The following RNASEL variants were observed in gnomAD, a reference collection of about 807,000 sequenced individuals.
The protein encoded by RNASEL is 2-5A-dependent ribonuclease.
A neutral mutation model predicts 50.9 loss-of-function variants in RNASEL; 36 were observed. The observed-to-expected ratio is 0.71, with a 90% confidence interval of 0.54 to 0.93. The LOEUF (loss-of-function observed/expected upper bound fraction) is 0.93, where lower values mean the gene tolerates loss of function less well. Ranked by LOEUF, RNASEL falls within the 40% of genes least tolerant of loss-of-function variation. RNASEL has a pLI of 0.00. For synonymous variants in RNASEL, 335 were observed against 335.6 expected (o/e 1.00, Z 0.02); for missense variants, 860 against 894.5 (o/e 0.96, Z 0.49).
Position 182,586,473 on chromosome 1 carries a change from G to A in RNASEL, c.334C>T (p.Leu112Phe), listed in dbSNP as rs1048360805. Residue 112 changes from leucine (L) to phenylalanine (F), a missense_variant, in exon 2 of 7, where the codon CTT becomes TTT. By Grantham distance (22) the Leu-to-Phe change is conservative (BLOSUM62 0). Transcript: ENST00000367559. The stretch of plus-strand genomic sequence containing the variant: ...TCATTGACATCTGCTCCTTTAGAAA[G>A]GAAAAGTTTCAGCAGCTTCACGCTC... The part of the protein sequence containing the change: ...AGSVKLLKLF[L>F]SKGADVNECD... 1 of 1,613,464 alleles carries A rather than the reference G, an allele frequency of 6.2e-7. No homozygotes were observed. Among genetic ancestry groups the A allele is most frequent in the Non-Finnish European group, 8.5e-7 (1 of 1,179,454 alleles).
At position 182,574,383 on chromosome 1, in the gene RNASEL, A is replaced by C. The variant is rs758915729; in HGVS notation, c.*1009T>G. On this transcript the variant is annotated 3_prime_UTR_variant, in exon 7 of 7. Transcript: ENST00000367559. ...GTATGGGAAGTGAGGGAGGCCTGGGAGCCTCCTGTGGGGCTGACACCAGAA... is the reference window on the plus strand; with the variant it reads ...GTATGGGAAGTGAGGGAGGCCTGGGCGCCTCCTGTGGGGCTGACACCAGAA... The C allele has an allele frequency of 3.1e-5, 7 of 228,200 alleles. No individual in the cohort carries two copies. The highest frequency in any genetic ancestry group is 4.4e-5 in the African/African-American group (2 of 44,994). 14.1% of individuals were successfully genotyped at this position (228,200 alleles called of 1,614,324 possible). A position where few individuals can be genotyped will look rare whatever the true frequency, so the allele number is the denominator to read the frequency against.
Position 182,586,453 on chromosome 1 carries a change from G to A in RNASEL, c.354C>T (p.Val118=), listed in dbSNP as rs146336238. ...TGAAGCCATAAAAATCACACTCATT[G>A]ACATCTGCTCCTTTAGAAAGGAAAA... The part of the protein sequence containing the change: ...LKLFLSKGAD[V]NECDFYGFTA... The change falls in exon 2 of 7, where the codon GTC becomes GTT. Residue 118 remains valine, a synonymous_variant. Coordinates refer to ENST00000367559, the MANE Select transcript of RNASEL (RefSeq NM_021133.4). 4,230 of 1,614,132 alleles carry A rather than the reference G, an allele frequency of 2.6e-3. 7 individuals are homozygous for A. Among genetic ancestry groups the A allele is most frequent in the Middle Eastern group, 4.3e-3 (26 of 6,060 alleles).
At position 182,576,341 on chromosome 1, in the gene RNASEL, C is replaced by T. The variant is rs776441039; in HGVS notation, c.1954G>A (p.Gly652Ser). The T allele has an allele frequency of 6.2e-7, 1 of 1,605,654 alleles. No homozygotes were observed. Among genetic ancestry groups the T allele is most frequent in the East Asian group, 2.2e-5 (1 of 44,742 alleles). ...KKMNKFYEKR[G>S]NFYQNTVGDL... The stretch of plus-strand genomic sequence containing the variant: ...CCCACAGTGTTCTGGTAGAAATTGC[C>T]TCTTTTTTCATAAAACTTATTCATT... Residue 652 changes from glycine to serine, a missense_variant, in exon 6 of 7, where the codon GGC becomes AGC. Physicochemically the swap from Gly to Ser is moderately conservative, Grantham distance 56 (BLOSUM62 0). Transcript: ENST00000367559.
intron 1 of RNASEL, among the ~76,000 whole-genome samples, chr1:182,587,835 T>C (rs1047388871): frequency 1.3e-5 from 2 of 152,262 alleles, no homozygotes; most frequent in African/African-American, 4.8e-5. Context: ...ATCTGACTTA[T>C]GTTTTTTGAC....
At position 182,584,187 on chromosome 1, in the gene RNASEL, G is replaced by A. The variant is rs766108531; in HGVS notation, c.1481-21C>T. 1.8e-5 allele frequency: 27 copies of A among 1,539,740 alleles called. No homozygotes were observed. In the South Asian group the frequency reaches 2.8e-4, roughly 16 times the overall value. On this transcript the variant is annotated intron_variant, in intron 2 of 6. Coordinates refer to ENST00000367559, the MANE Select transcript of RNASEL (RefSeq NM_021133.4). ...AGAATCTAAGGAAAAGTTTGCAGAG[G>A]CACATTGAAAATACTCATTCTCCAT...
rs572914694 is a variant in RNASEL at position 182,580,703 on chromosome 1, G to A, written c.1905+522C>T. On this transcript the variant is annotated intron_variant, in intron 5 of 6. Coordinates refer to ENST00000367559, the MANE Select transcript of RNASEL (RefSeq NM_021133.4). ...TTCCACTATAATTAATGCAAGTTAG[G>A]TGGAACTTTTCTTAAAGAGAGCAAT... Among the ~76,000 whole-genome samples the A allele has an allele frequency of 2.0e-5, 3 of 152,328 alleles. No homozygotes were observed. In the South Asian group the frequency reaches 6.2e-4, roughly 32 times the overall value.
chr1:182,582,124 G>C lies in RNASEL; in HGVS notation c.1701C>G (p.Phe567Leu), dbSNP rs1410365107. 6.2e-7 allele frequency: 1 copy of C among 1,614,082 alleles called. No individual in the cohort carries two copies. The highest frequency in any genetic ancestry group is 8.5e-7 in the Non-Finnish European group (1 of 1,180,058). Residue 567 changes from phenylalanine (F) to leucine (L), a missense_variant, in exon 4 of 7, where the codon TTC becomes TTG. Transcript: ENST00000367559. ...EETKDLIHRLFHPGEHVRDCL... is the reference protein window; with the variant it reads ...EETKDLIHRLLHPGEHVRDCL... ...AGTCCCTCACATGTTCCCCAGGATG[G>C]AAGAGACGATGAATGAGGTCCTTAG...
At chr1:182,581,384 A>T (rs373189696) in intron 4 of RNASEL, 27 bp from the exon 5 acceptor site, 1 of 1,611,382 alleles carries the variant, frequency 6.2e-7, no homozygotes, top group Non-Finnish European at 8.5e-7. Context: ...GATCTAAATG[A>T]TCATGATCAT....
In RNASEL at chr1:182,575,546, T is replaced by C; in HGVS notation, c.2072A>G (p.Tyr691Cys). 1.9e-6 allele frequency: 3 copies of C among 1,614,208 alleles called. No individual in the cohort carries two copies. Among genetic ancestry groups the C allele is most frequent in the Non-Finnish European group, 2.5e-6 (3 of 1,180,030 alleles). The stretch of plus-strand genomic sequence containing the variant: ...CAGATCTGGAAATGTCTTCTGAAAA[T>C]ACAGGGAAGGGTCTCCAATTTTTAA... ...MKLKIGDPSLYFQKTFPDLVI... is the reference protein window; with the variant it reads ...MKLKIGDPSLCFQKTFPDLVI... Residue 691 changes from tyrosine (Y) to cysteine (C), a missense_variant, in exon 7 of 7, where the codon TAT becomes TGT. Coordinates refer to ENST00000367559, the MANE Select transcript of RNASEL (RefSeq NM_021133.4).
intron 5 of RNASEL, among the ~76,000 whole-genome samples, chr1:182,577,396 CA>C (rs1661410586): frequency 2.6e-5 from 4 of 152,226 alleles, no homozygotes; most frequent in Middle Eastern, 3.4e-3. Flanking sequence ...GCCACCCTTT[CA>C]AATTCGTACT....
Position 182,575,025 on chromosome 1 carries a change from A to G in RNASEL, c.*367T>C. 2.8e-6 allele frequency: 1 copy of G among 356,478 alleles called. No individual in the cohort carries two copies. Among genetic ancestry groups the G allele is most frequent in the Non-Finnish European group, 5.2e-6 (1 of 192,320 alleles). The allele number at this position is 356,478 out of a possible 1,614,324, so 22.1% of individuals were successfully genotyped here. On this transcript the variant is annotated 3_prime_UTR_variant, in exon 7 of 7. Transcript: ENST00000367559. ...CAGTAGCTCACACTCTCTGAGTCTCAGGTTCCTCAGTTCTTAAATGGGGAT... is the reference window on the plus strand; with the variant it reads ...CAGTAGCTCACACTCTCTGAGTCTCGGGTTCCTCAGTTCTTAAATGGGGAT...
intron 6 of RNASEL, 67 bp downstream of exon 6, chr1:182,576,189 T>A (rs565325739): frequency 2.0e-6 from 3 of 1,527,334 alleles, no homozygotes; most frequent in Non-Finnish European, 1.8e-6. Context: ...AGATATAAAC[T>A]TAGAATTGGA....
intron 3 of RNASEL, among the ~76,000 whole-genome samples, 192 bp from the exon 4 acceptor site, chr1:182,582,450 G>A (rs1238863338): frequency 6.6e-6 from 1 of 152,220 alleles, no homozygotes; most frequent in East Asian, 1.9e-4. Context: ...ATACCACTTA[G>A]TTTTATGAAG....
intron 5 of RNASEL, chr1:182,576,958 C>T (rs757793031): frequency 6.6e-6 from 1 of 151,114 alleles, no homozygotes; most frequent in African/African-American, 2.4e-5. Context: ...CTCACTGCAA[C>T]CTCCGCCTCC....
At chr1:182,579,538 G>A in intron 5 of RNASEL, 2 of 1,118,916 alleles carry the variant, frequency 1.8e-6, no homozygotes, top group Non-Finnish European at 1.1e-6. Context: ...GATGGGGCAA[G>A]TCAAGAACCA....
chr1:182,585,712 A>G lies in RNASEL; in HGVS notation c.1095T>C (p.Ile365=), dbSNP rs1352109051. The G allele has an allele frequency of 6.2e-7, 1 of 1,614,050 alleles. No individual in the cohort carries two copies. The highest frequency in any genetic ancestry group is 8.5e-7 in the Non-Finnish European group (1 of 1,180,028). Residue 365 remains isoleucine, a synonymous_variant, in exon 2 of 7, where the codon ATT becomes ATC. Transcript: ENST00000367559. ...TATCAGCAATTTTGTATTTTTCATC[A>G]ATAAAGAACTTGAGTTTGCCAATCA... ...RPMIGKLKFF[I]DEKYKIADTS... is the part of the protein sequence containing the mutation.
At position 182,586,282 on chromosome 1, in the gene RNASEL, A is replaced by G. The variant is rs1039395685; in HGVS notation, c.525T>C (p.Ala175=). Residue 175 remains alanine (A), a synonymous_variant, in exon 2 of 7, where the codon GCT becomes GCC. Coordinates refer to ENST00000367559, the MANE Select transcript of RNASEL (RefSeq NM_021133.4). ...RKGGATALMD[A]AEKGHVEVLK... Reference sequence around the variant, plus strand: ...AGACCTCTACGTGTCCTTTTTCAGCAGCGTCCATGAGAGCTGTGGCCCCTC... The same window carrying G: ...AGACCTCTACGTGTCCTTTTTCAGCGGCGTCCATGAGAGCTGTGGCCCCTC... 6.2e-7 allele frequency: 1 copy of G among 1,614,040 alleles called. No individual in the cohort carries two copies. Among genetic ancestry groups the G allele is most frequent in the Admixed American group, 1.7e-5 (1 of 60,014 alleles).
At chr1:182,587,443 C>A (rs922089702) in intron 1 of RNASEL, among the ~76,000 whole-genome samples, 2 of 151,760 alleles carry the variant, frequency 1.3e-5, no homozygotes, top group African/African-American at 4.8e-5. Context: ...GCAAATTCAG[C>A]TTATTTTAGT....
intron 5 of RNASEL, 33 bp downstream of exon 5, chr1:182,581,192 G>A: frequency 6.2e-7 from 1 of 1,613,944 alleles, no homozygotes; most frequent in Non-Finnish European, 8.5e-7. Context: ...CTTATTCCTG[G>A]ACTAACCCCT....
Sources: gnomAD v4.1 joint callset for allele counts (sites outside exome capture counted in the v4.1 genomes callset) on GRCh38, gnomAD v4.1.1 for gene constraint, MANE v1.5 for transcripts, NCBI Gene and HGNC (gene_info 2026-07-23, HGNC 2026-07-21) for gene names.